ME1: variants seen among roughly 807,000 people sequenced by gnomAD.
The protein encoded by ME1 is NADP-dependent malic enzyme.
Under a neutral mutation model 66.4 loss-of-function variants are expected in ME1, and 74 were observed. The ratio of observed to expected loss-of-function variants is 1.11; its 90% confidence interval spans 0.92 to 1.35. The LOEUF (loss-of-function observed/expected upper bound fraction) is 1.35, where lower values mean the gene tolerates loss of function less well. Among genes scored for constraint, ME1 ranks in the 40% most tolerant of loss-of-function variants. The probability of loss-of-function intolerance (pLI) is 0.00; values close to 1 mark genes in which losing one functional copy is unlikely to be tolerated. For synonymous variants in ME1, 251 were observed against 235.6 expected (o/e 1.07, Z -0.60); for missense variants, 750 against 694.1 (o/e 1.08, Z -0.90).
chr6:83,324,160 C>A (rs1047389968), intron 5 of ME1, among the ~76,000 whole-genome samples: 1 of 151,776 alleles, frequency 6.6e-6, no homozygotes, highest in Non-Finnish European at 1.5e-5. Flanking sequence ...ACACAATGTG[C>A]CAGAATCTCT....
intron 6 of ME1, among the ~76,000 whole-genome samples, chr6:83,302,775 T>C (rs1241042526): frequency 6.6e-6 from 1 of 152,108 alleles, no homozygotes; most frequent in Non-Finnish European, 1.5e-5. Context: ...TGCAGCCAAC[T>C]AAAACTATTT....
At chr6:83,424,937 G>A (rs1355125696) in intron 1 of ME1, among the ~76,000 whole-genome samples, 1 of 152,156 alleles carries the variant, frequency 6.6e-6, no homozygotes, top group East Asian at 1.9e-4. Flanking sequence ...AAGGGCCAAT[G>A]CCTAATAGTA....
intron 5 of ME1, among the ~76,000 whole-genome samples, chr6:83,325,116 C>T (rs1366559124): frequency 1.3e-5 from 2 of 152,170 alleles, no homozygotes; most frequent in Middle Eastern, 3.2e-3. Flanking sequence ...ACAAAAACCA[C>T]ATGATTATCT....
At chr6:83,265,124 A>G (rs549181734) in intron 6 of ME1, among the ~76,000 whole-genome samples, 1 of 152,338 alleles carries the variant, frequency 6.6e-6, no homozygotes, top group East Asian at 1.9e-4. Flanking sequence ...TCAACATCAA[A>G]GCAAGACCCT....
In ME1 at chr6:83,321,534, G is replaced by A. The variant is rs572087441; in HGVS notation, c.601-6121C>T. The stretch of plus-strand genomic sequence containing the variant: ...CCTCACAGTGTAAATAAAGCCACTG[G>A]GAAGTTTGGACTGGGTGAAGCCCAC... On this transcript the variant is annotated intron_variant, in intron 5 of 13. Coordinates refer to ENST00000369705, the MANE Select transcript of ME1 (RefSeq NM_002395.6). 1.3e-4 allele frequency among the ~76,000 whole-genome samples: 20 copies of A among 152,170 alleles called. No individual in the cohort carries two copies. In the Middle Eastern group the frequency reaches 0.014, roughly 104 times the overall value.
chr6:83,285,457 G>A (rs1767378540), intron 6 of ME1, among the ~76,000 whole-genome samples: 1 of 152,174 alleles, frequency 6.6e-6, no homozygotes. Flanking sequence ...TGTACTTGCT[G>A]AAGACAGATA....
At position 83,352,465 on chromosome 6, in the gene ME1, T is replaced by C. The variant is rs957432016; in HGVS notation, c.363-326A>G. ...TATCAGTTCCACTCACAAATTCATT[T>C]AGAATCTGTCATGATATAATATATA... On this transcript the variant is annotated intron_variant, in intron 3 of 13. Transcript: ENST00000369705. Among the ~76,000 whole-genome samples, 5 of 152,206 alleles carry C rather than the reference T, an allele frequency of 3.3e-5. No individual in the cohort carries two copies. The East Asian group carries it at 9.6e-4, about 29-fold the overall frequency.
At chr6:83,246,737 A>G (rs1790631311) in intron 7 of ME1, among the ~76,000 whole-genome samples, 1 of 152,098 alleles carries the variant, frequency 6.6e-6, no homozygotes, top group Non-Finnish European at 1.5e-5. Flanking sequence ...TTTGTACAAA[A>G]GAATTGTATC....
At chr6:83,392,393 G>A (rs1769638776) in intron 3 of ME1, 4 of 497,706 alleles carry the variant, frequency 8.0e-6, no homozygotes, top group Non-Finnish European at 1.2e-5. Context: ...CTCGTGCATT[G>A]CCAGCTGCAT....
intron 6 of ME1, among the ~76,000 whole-genome samples, chr6:83,255,322 T>C (rs986679587): frequency 1.3e-5 from 2 of 152,006 alleles, no homozygotes; most frequent in Non-Finnish European, 2.9e-5. Context: ...CCTTCTGTTA[T>C]ATATATTGCA....
intron 3 of ME1, among the ~76,000 whole-genome samples, chr6:83,354,076 T>C (rs1047065992): frequency 1.3e-5 from 2 of 152,162 alleles, no homozygotes; most frequent in African/African-American, 4.8e-5. Flanking sequence ...TTCAGGGCTC[T>C]ATACTCCTCT....
chr6:83,414,067 C>T (rs1261585715), intron 1 of ME1, among the ~76,000 whole-genome samples: 2 of 143,072 alleles, frequency 1.4e-5, no homozygotes, highest in Non-Finnish European at 3.0e-5. Context: ...GCTGAGATCA[C>T]ACCATTGCAC....
intron 5 of ME1, among the ~76,000 whole-genome samples, chr6:83,328,589 T>C (rs1396208182): frequency 6.6e-6 from 1 of 152,162 alleles, no homozygotes; most frequent in Non-Finnish European, 1.5e-5. Context: ...GACAAAAAAA[T>C]TAGTATCTAC....
At position 83,315,393 on chromosome 6, in the gene ME1, G is replaced by C. The variant is rs1187109558; in HGVS notation, c.621C>G (p.Leu207=). Residue 207 remains leucine, a synonymous_variant, in exon 6 of 14, where the codon CTC becomes CTG. Coordinates refer to ENST00000369705, the MANE Select transcript of ME1 (RefSeq NM_002395.6). ...CTCTTCTCTGCCGTAGTCCAATGTA[G>C]AGTGGATCTTTAAGTAACTCCTATT... is the stretch of plus-strand genomic sequence containing the variant. ...TENEELLKDP[L]YIGLRQRRVR... 2.5e-6 allele frequency: 4 copies of C among 1,600,684 alleles called. No individual in the cohort carries two copies. The Admixed American group carries it at 5.2e-5, about 21-fold the overall frequency.
At chr6:83,340,990 ATCTAGTAGCT>A (rs1768569188) in intron 5 of ME1, among the ~76,000 whole-genome samples, 2 of 152,068 alleles carry the variant, frequency 1.3e-5, no homozygotes, top group East Asian at 3.9e-4. Context: ...TAATCCTTTT[ATCTAGTAGCT>A]TAGCGACCAT....
rs559831091 is a variant in ME1, at chr6:83,431,017, C to T, written c.-63G>A. On this transcript the variant is annotated 5_prime_UTR_variant, in exon 1 of 14. Transcript: ENST00000369705. ...CGGGCCGCACGCGCGGTGCAGGCGG[C>T]GGATGCTGCTGGGGTGACGGTGCTG... The T allele has an allele frequency of 5.3e-5, 58 of 1,099,860 alleles. No homozygotes were observed. In the East Asian group the frequency reaches 5.9e-4, roughly 11 times the overall value. The allele number at this position is 1,099,860 out of a possible 1,614,324, so 68.1% of individuals were successfully genotyped here.
At chr6:83,305,598 G>A (rs965654187) in intron 6 of ME1, among the ~76,000 whole-genome samples, 7 of 152,158 alleles carry the variant, frequency 4.6e-5, no homozygotes, top group Non-Finnish European at 1.0e-4. Flanking sequence ...TACAGGCAGC[G>A]TGGAGAATGT....
intron 5 of ME1, among the ~76,000 whole-genome samples, chr6:83,340,954 GCAT>G (rs1430738693): frequency 2.0e-5 from 3 of 151,814 alleles, no homozygotes; most frequent in Non-Finnish European, 4.4e-5. Context: ...CAGTTGACAA[GCAT>G]TCAACCAGTT....
In ME1 at chr6:83,280,411, G is replaced by A. The variant is rs1767265532; in HGVS notation, c.705-26673C>T. On this transcript the variant is annotated intron_variant, in intron 6 of 13. Transcript: ENST00000369705. Reference sequence around the variant, plus strand: ...TGAAGCAGCATACTATTATTTAAAAGTGGATTTGGATTTGTTATAAATGTA... The same window carrying A: ...TGAAGCAGCATACTATTATTTAAAAATGGATTTGGATTTGTTATAAATGTA... 5.9e-5 allele frequency among the ~76,000 whole-genome samples: 9 copies of A among 152,154 alleles called. No homozygotes were observed. In the South Asian group the frequency reaches 1.4e-3, roughly 24 times the overall value.
Sources: allele counts gnomAD v4.1 joint callset (sites outside exome capture counted in the v4.1 genomes callset), GRCh38; gene constraint gnomAD v4.1.1; transcripts MANE v1.5; gene names NCBI Gene and HGNC (gene_info 2026-07-23, HGNC 2026-07-21).